Variants in SUPT3H observed in about 807,000 individuals in gnomAD.
SUPT3H encodes the protein SPT3 homolog, SAGA and STAGA complex component.
In SUPT3H, 44 loss-of-function variants were observed where a neutral mutation model predicts 44.3. The ratio of observed to expected loss-of-function variants is 0.99; its 90% confidence interval spans 0.78 to 1.28. The LOEUF is 1.28. SUPT3H is among the 50% of genes most tolerant of loss of function. The pLI is 0.00. For synonymous variants in SUPT3H, 124 were observed against 125.6 expected (o/e 0.99, Z 0.09); for missense variants, 380 against 387.1 (o/e 0.98, Z 0.15).
intron 3 of SUPT3H, among the ~76,000 whole-genome samples, chr6:45,089,022 A>C (rs889052626): frequency 2.0e-5 from 3 of 152,074 alleles, no homozygotes; most frequent in Non-Finnish European, 4.4e-5. Context: ...AGTAGAATTC[A>C]GTACATTGAG....
chr6:44,836,121 C>T (rs1020783268), intron 10 of SUPT3H, among the ~76,000 whole-genome samples: 1 of 152,062 alleles, frequency 6.6e-6, no homozygotes, highest in Non-Finnish European at 1.5e-5. Flanking sequence ...ATGAATAAAG[C>T]CAAATGGTGG....
At chr6:44,886,833 A>G (rs1463724673) in intron 10 of SUPT3H, among the ~76,000 whole-genome samples, 4 of 152,186 alleles carry the variant, frequency 2.6e-5, no homozygotes, top group Non-Finnish European at 5.9e-5. Flanking sequence ...AAATTGGATA[A>G]AGAGTCAAGA....
intron 2 of SUPT3H, among the ~76,000 whole-genome samples, chr6:45,242,071 C>T (rs929973393): frequency 1.3e-5 from 2 of 152,114 alleles, no homozygotes; most frequent in Non-Finnish European, 2.9e-5. Flanking sequence ...AACTACAGAG[C>T]AAATTTACTT....
intron 2 of SUPT3H, among the ~76,000 whole-genome samples, chr6:45,269,552 C>A (rs1311528166): frequency 1.3e-5 from 2 of 152,152 alleles, no homozygotes; most frequent in African/African-American, 4.8e-5. Flanking sequence ...AAAGTATTAT[C>A]CCCTCAACCG....
chr6:45,037,266 A>T (rs182659206), intron 3 of SUPT3H, among the ~76,000 whole-genome samples: 2 of 151,964 alleles, frequency 1.3e-5, no homozygotes, highest in East Asian at 3.9e-4. Context: ...GCTGCAGTGG[A>T]AGGGGGTAAG....
At chr6:44,911,493 T>TA (rs1385992937) in intron 10 of SUPT3H, among the ~76,000 whole-genome samples, 2 of 152,232 alleles carry the variant, frequency 1.3e-5, no homozygotes, top group African/African-American at 4.8e-5. Flanking sequence ...TTCTGGCATG[T>TA]ATACCTTTTC....
At position 44,900,450 on chromosome 6, in the gene SUPT3H, C is replaced by T. The variant is rs137873881; in HGVS notation, c.912+32203G>A. 7.9e-3 allele frequency among the ~76,000 whole-genome samples: 1,196 copies of T among 152,346 alleles called. 16 individuals carry two copies. The highest frequency in any genetic ancestry group is 0.027 in the Middle Eastern group (8 of 294). ...CTAGCACAGTAGTCTGAGATCAAACCGCAAGGCGGCAGCAAGGCTGGGGGA... is the reference window on the plus strand; with the variant it reads ...CTAGCACAGTAGTCTGAGATCAAACTGCAAGGCGGCAGCAAGGCTGGGGGA... On this transcript the variant is annotated intron_variant, in intron 10 of 10. Transcript: ENST00000371459.
intron 4 of SUPT3H, among the ~76,000 whole-genome samples, chr6:45,018,426 G>T (rs1053628780): frequency 5.3e-5 from 8 of 151,270 alleles, no homozygotes; most frequent in Non-Finnish European, 7.4e-5. Context: ...TCTTGTGCCA[G>T]TTTTCAAAGG....
chr6:44,977,783 C>T (rs574853523), intron 6 of SUPT3H, among the ~76,000 whole-genome samples: 2 of 152,256 alleles, frequency 1.3e-5, no homozygotes, highest in Admixed American at 1.3e-4. Flanking sequence ...GTTCACTTGA[C>T]ATTACTACTA....
chr6:45,128,767 C>A (rs1284210606), intron 2 of SUPT3H, among the ~76,000 whole-genome samples: 7 of 150,098 alleles, frequency 4.7e-5, no homozygotes, highest in African/African-American at 2.5e-5. Context: ...CTCACTGCAA[C>A]CTCTACCTCC....
chr6:44,911,853 A>G (rs942232131), intron 10 of SUPT3H, among the ~76,000 whole-genome samples: 7 of 152,220 alleles, frequency 4.6e-5, no homozygotes, highest in Non-Finnish European at 7.3e-5. Flanking sequence ...GAGAGAGGCA[A>G]GAAAACTGAT....
intron 2 of SUPT3H, among the ~76,000 whole-genome samples, chr6:45,147,197 C>T (rs1352315556): frequency 6.6e-6 from 1 of 152,034 alleles, no homozygotes; most frequent in Non-Finnish European, 1.5e-5. Context: ...TTCAGTCTAG[C>T]TTCACAGACT....
rs573451611 is a variant in SUPT3H, at chr6:44,936,688, G to C, written c.802-3925C>G. On this transcript the variant is annotated intron_variant, in intron 9 of 10. Transcript: ENST00000371459. ...ATTTCGTTCCTTATTTCTTTTTTGA[G>C]ACAGCGTCTTGCTCTGTCCCCCGGG... Among the ~76,000 whole-genome samples the C allele has an allele frequency of 1.2e-4, 19 of 152,152 alleles. No homozygotes were observed. In the East Asian group the frequency reaches 3.5e-3, roughly 28 times the overall value.
intron 2 of SUPT3H, among the ~76,000 whole-genome samples, chr6:45,227,037 T>A (rs1017870255): frequency 2.7e-5 from 4 of 149,482 alleles, no homozygotes; most frequent in East Asian, 3.9e-4. Flanking sequence ...ATATATATAT[T>A]TAGTAGAGAA....
chr6:44,932,874 A>G, intron 9 of SUPT3H, 111 bp from the exon 10 acceptor site: 1 of 594,936 alleles, frequency 1.7e-6, no homozygotes, highest in Non-Finnish European at 2.7e-6. Context: ...TTCCCTTAGG[A>G]TGCACATCAC....
At chr6:45,226,976 G>C (rs1234900974) in intron 2 of SUPT3H, among the ~76,000 whole-genome samples, 2 of 151,308 alleles carry the variant, frequency 1.3e-5, no homozygotes, top group Admixed American at 1.3e-4. Flanking sequence ...CAGCCTGAAT[G>C]ACAGAGTGAG....
chr6:44,830,511 A>T (rs1384838881), intron 10 of SUPT3H, among the ~76,000 whole-genome samples: 1 of 152,190 alleles, frequency 6.6e-6, no homozygotes, highest in Non-Finnish European at 1.5e-5. Flanking sequence ...TTCTAAGTGC[A>T]ATAATTAATA....
At chr6:45,127,370 C>T (rs1430759100) in intron 2 of SUPT3H, among the ~76,000 whole-genome samples, 1 of 152,062 alleles carries the variant, frequency 6.6e-6, no homozygotes, top group Non-Finnish European at 1.5e-5. Context: ...CATACACTGT[C>T]ATCATACAGT....
intron 10 of SUPT3H, among the ~76,000 whole-genome samples, chr6:44,866,881 G>A (rs1017360736): frequency 6.6e-6 from 1 of 152,186 alleles, no homozygotes; most frequent in African/African-American, 2.4e-5. Context: ...ACCAAGGGTT[G>A]CGCTTAAGTC....
Sources: gnomAD v4.1 joint callset for allele counts (sites outside exome capture counted in the v4.1 genomes callset) on GRCh38, gnomAD v4.1.1 for gene constraint, MANE v1.5 for transcripts, NCBI Gene and HGNC (gene_info 2026-07-23, HGNC 2026-07-21) for gene names.